CHPT1: variants seen among roughly 807,000 people sequenced by gnomAD.
CHPT1 encodes the protein cholinephosphotransferase 1.
A neutral mutation model predicts 47.6 loss-of-function variants in CHPT1; 36 were observed. The ratio of observed to expected loss-of-function variants is 0.76; its 90% CI spans 0.58 to 1.00. The LOEUF is 1.00. Among genes scored for constraint, CHPT1 ranks in the 50% least tolerant of loss-of-function variants. The probability of loss-of-function intolerance (pLI) is 0.00; values close to 1 mark genes in which losing one functional copy is unlikely to be tolerated. For synonymous variants in CHPT1, 194 were observed against 186.3 expected (o/e 1.04, Z -0.33); for missense variants, 458 against 498.1 (o/e 0.92, Z 0.77).
intron 1 of CHPT1, among the ~76,000 whole-genome samples, chr12:101,710,788 T>G (rs1951693818): frequency 6.7e-6 from 1 of 148,556 alleles, no homozygotes; most frequent in Non-Finnish European, 1.5e-5. Flanking sequence ...ACTTTTAGAG[T>G]TCTCCTTGAG....
intron 4 of CHPT1, 102 bp downstream of exon 4, chr12:101,716,914 ATTTT>A: frequency 1.8e-6 from 1 of 556,456 alleles, no homozygotes; most frequent in Non-Finnish European, 2.9e-6. Flanking sequence ...ATTGTATTTA[ATTTT>A]TTTTTTTTAA....
chr12:101,704,443 C>T (rs1951602417), intron 1 of CHPT1, among the ~76,000 whole-genome samples: 1 of 150,068 alleles, frequency 6.7e-6, no homozygotes, highest in Non-Finnish European at 1.5e-5. Flanking sequence ...CTCTTGTTGC[C>T]CAGGCTGGAG....
chr12:101,719,705 A>G (rs1410485294), intron 4 of CHPT1: 6 of 315,048 alleles, frequency 1.9e-5, no homozygotes, highest in Non-Finnish European at 3.7e-5. Context: ...ATGAAATCTT[A>G]TGAGATTAAA....
chr12:101,717,294 A>G (rs1012159592), intron 4 of CHPT1: 9 of 455,008 alleles, frequency 2.0e-5, no homozygotes, highest in Admixed American at 4.7e-5. Flanking sequence ...TGACCTCAGT[A>G]GTTTCATAAA....
chr12:101,723,401 A>G, intron 6 of CHPT1, 75 bp downstream of exon 6: 1 of 931,126 alleles, frequency 1.1e-6, no homozygotes, highest in Non-Finnish European at 1.6e-6. Flanking sequence ...TTATTTCATA[A>G]AATGTATAGG....
intron 5 of CHPT1, among the ~76,000 whole-genome samples, 170 bp downstream of exon 5, chr12:101,720,424 T>A (rs150592468): frequency 7.0e-4 from 106 of 152,362 alleles, no homozygotes; most frequent in Middle Eastern, 3.4e-3. Context: ...CAGTTTAAAC[T>A]GATATTTTCC....
In CHPT1 at chr12:101,709,388, CAAAAAAAAA is replaced by C. The variant is rs544323245; in HGVS notation, c.274-4688_274-4680del. Among the ~76,000 whole-genome samples the C allele has an allele frequency of 5.2e-4, 37 of 71,472 alleles. 1 individual carries two copies. The highest frequency in any genetic ancestry group is 3.0e-3 in the Admixed American group (18 of 6,004). 46.9% of individuals were successfully genotyped at this position (71,472 alleles called of 152,430 possible). ...CTGGGCAACAGAGTGAGACCTGTGT[CAAAAAAAAA>C]AAAAAAAAAAAAAGTCTAATCTATA... is the stretch of plus-strand genomic sequence containing the variant. On this transcript the variant is annotated intron_variant, in intron 1 of 8. Transcript: ENST00000229266.
chr12:101,702,253 A>G (rs1248258850), intron 1 of CHPT1, among the ~76,000 whole-genome samples: 2 of 152,160 alleles, frequency 1.3e-5, no homozygotes, highest in Non-Finnish European at 2.9e-5. Context: ...TCCATTCTCT[A>G]TTACATATCT....
rs573818514 is a variant in CHPT1 at position 101,710,774 on chromosome 12, G to A, written c.274-3316G>A. 1.3e-3 allele frequency among the ~76,000 whole-genome samples: 200 copies of A among 148,784 alleles called. 11 individuals carry two copies. Among genetic ancestry groups the A allele is most frequent in the Middle Eastern group, 3.6e-3 (1 of 274 alleles). ...CAGAGGTCAGAATTAAGCTTTCAAT[G>A]TTGACTTTTAGAGTTCTCCTTGAGA... On this transcript the variant is annotated intron_variant, in intron 1 of 8. Transcript: ENST00000229266.
rs1952063953 is a variant in CHPT1 at position 101,729,060 on chromosome 12, C to G, written c.*115C>G. The G allele has an allele frequency of 6.2e-7, 1 of 1,606,006 alleles. No individual in the cohort carries two copies. The highest frequency in any genetic ancestry group is 1.3e-5 in the African/African-American group (1 of 74,730). ...ACCTATTTCAGCAAATAAAATATTT[C>G]ATTGCTTATATTAATCCTTATTTTT... On this transcript the variant is annotated 3_prime_UTR_variant, in exon 9 of 9. Coordinates refer to ENST00000229266, the MANE Select transcript of CHPT1 (RefSeq NM_020244.3).
intron 2 of CHPT1, 74 bp downstream of exon 2, chr12:101,714,311 T>C (rs1951733921): frequency 1.5e-6 from 2 of 1,373,192 alleles, no homozygotes; most frequent in Non-Finnish European, 2.0e-6. Flanking sequence ...GGTCAGTTTT[T>C]TGGATGGATA....
In CHPT1 at chr12:101,720,164, T is replaced by C. The variant is rs377678362; in HGVS notation, c.690T>C (p.Leu230=). The C allele has an allele frequency of 1.1e-5, 18 of 1,601,456 alleles. No individual in the cohort carries two copies. In the African/African-American group the frequency reaches 2.4e-4, roughly 21 times the overall value. The change falls in exon 5 of 9, where the codon CTT becomes CTC. Residue 230 remains leucine, a synonymous_variant. Coordinates refer to ENST00000229266, the MANE Select transcript of CHPT1 (RefSeq NM_020244.3). The part of the protein sequence containing the change: ...LEIKLKILPV[L]GFLGGVIFSC... ...TAAAATTGAAGATCCTTCCAGTTCT[T>C]GGATTTCTAGGTGGAGTAATATTTT... is the stretch of plus-strand genomic sequence containing the variant.
intron 7 of CHPT1, among the ~76,000 whole-genome samples, chr12:101,724,334 A>G (rs968221476): frequency 6.6e-6 from 1 of 152,142 alleles, no homozygotes; most frequent in African/African-American, 2.4e-5. Flanking sequence ...AAATGGCCAC[A>G]TATCTATAGG....
intron 1 of CHPT1, among the ~76,000 whole-genome samples, chr12:101,699,457 G>A (rs10778141): frequency 0.32 from 48,158 of 149,372 alleles, 11,202 homozygotes; most frequent in African/African-American, 0.66. Context: ...TGGTGATCTC[G>A]GCTCACTGCA....
Position 101,697,923 on chromosome 12 carries a change from T to A in CHPT1, c.62T>A (p.Leu21Gln), listed in dbSNP as rs1951487377. Reference protein sequence around the residue: ...PRWLRALSEPLSAAQLRRLEE... With the variant: ...PRWLRALSEPQSAAQLRRLEE... ...TGGCTGAGGGCGCTGAGCGAGCCGC[T>A]GAGCGCGGCGCAGCTGCGGCGACTG... The change falls in exon 1 of 9, where the codon CTG becomes CAG. Residue 21 changes from leucine (L) to glutamine (Q), a missense_variant. Physicochemically the swap from Leu to Gln is moderately radical, Grantham distance 113. Transcript: ENST00000229266. 6.8e-7 allele frequency: 1 copy of A among 1,462,858 alleles called. No individual in the cohort carries two copies. The highest frequency in any genetic ancestry group is 9.0e-7 in the Non-Finnish European group (1 of 1,111,636). The allele number at this position is 1,462,858 out of a possible 1,614,324, so 90.6% of individuals were successfully genotyped here. A position where few individuals can be genotyped will look rare whatever the true frequency, so the allele number is the denominator to read the frequency against.
chr12:101,721,241 C>T (rs548051080), intron 5 of CHPT1, among the ~76,000 whole-genome samples: 11 of 151,756 alleles, frequency 7.2e-5, no homozygotes, highest in Non-Finnish European at 1.3e-4. Flanking sequence ...TAAGCTGAGA[C>T]GGTGCCACTG....
chr12:101,697,873 C>CGCCGGG lies in CHPT1; in HGVS notation c.19_24dup (p.Ala7_Gly8dup). On this transcript the variant is annotated inframe_insertion, in exon 1 of 9. Coordinates refer to ENST00000229266, the MANE Select transcript of CHPT1 (RefSeq NM_020244.3). ...GCCCTCAGGCGGCCATGGCGGCAGG[C>CGCCGGG]GCCGGGGCCGGGTCCGCGCCGCGCT... is the stretch of plus-strand genomic sequence containing the variant. 1 of 1,192,176 alleles carries CGCCGGG rather than the reference C, an allele frequency of 8.4e-7. No individual in the cohort carries two copies. Among genetic ancestry groups the CGCCGGG allele is most frequent in the East Asian group, 3.5e-5 (1 of 28,262 alleles). The allele number at this position is 1,192,176 out of a possible 1,614,324, so 73.8% of individuals were successfully genotyped here.
intron 1 of CHPT1, among the ~76,000 whole-genome samples, chr12:101,708,537 A>C (rs907940845): frequency 2.0e-5 from 3 of 152,216 alleles, no homozygotes; most frequent in Non-Finnish European, 4.4e-5. Flanking sequence ...ACCTGGAAAG[A>C]GTTCTGTAAC....
At chr12:101,728,575 C>T in intron 8 of CHPT1, 1 of 207,832 alleles carries the variant, frequency 4.8e-6, no homozygotes, top group South Asian at 1.1e-4. Flanking sequence ...TCCGTTTTTT[C>T]CTTAAAGAAC....
Sources: gnomAD v4.1 joint callset for allele counts (sites outside exome capture counted in the v4.1 genomes callset) on GRCh38, gnomAD v4.1.1 for gene constraint, MANE v1.5 for transcripts, NCBI Gene and HGNC (gene_info 2026-07-23, HGNC 2026-07-21) for gene names.